SLC25A24: variants seen among roughly 807,000 people sequenced by gnomAD.
The protein encoded by SLC25A24 is solute carrier family 25 member 24.
Under a neutral mutation model 60.7 loss-of-function variants are expected in SLC25A24, and 49 were observed. That is an observed-to-expected ratio of 0.81 (90% CI 0.64 to 1.02). The LOEUF (loss-of-function observed/expected upper bound fraction) is 1.02, where lower values mean the gene tolerates loss of function less well. Ranked by LOEUF, SLC25A24 falls within the 50% of genes least tolerant of loss-of-function variation. SLC25A24 has a pLI of 0.00. For synonymous variants in SLC25A24, 202 were observed against 200.6 expected, an observed-to-expected ratio of 1.01 and a Z score of -0.06; for missense variants, 564 against 586.3, an observed-to-expected ratio of 0.96 and a Z score of 0.39.
chr1:108,136,851 A>C lies in SLC25A24; in HGVS notation c.1250-14T>G. ...CTTCTAACATGGCTAAAAAATAAAAAAAGAGGGTAATTTAATATTCAAGTA... is the reference window on the plus strand; with the variant it reads ...CTTCTAACATGGCTAAAAAATAAAACAAGAGGGTAATTTAATATTCAAGTA... On this transcript the variant is annotated splice_polypyrimidine_tract_variant and intron_variant, in intron 9 of 9. Transcript: ENST00000565488. The C allele has an allele frequency of 6.2e-7, 1 of 1,608,060 alleles. No homozygotes were observed.
At chr1:108,137,448 G>A (rs1046270886) in intron 9 of SLC25A24, among the ~76,000 whole-genome samples, 2 of 152,178 alleles carry the variant, frequency 1.3e-5, no homozygotes, top group Non-Finnish European at 2.9e-5. Context: ...AACGGGAGGA[G>A]TACCATGTGC....
intron 3 of SLC25A24, among the ~76,000 whole-genome samples, chr1:108,166,067 G>A (rs1208512231): frequency 2.6e-5 from 4 of 151,944 alleles, no homozygotes; most frequent in Non-Finnish European, 5.9e-5. Flanking sequence ...TAGTTTGGCT[G>A]GATATGAAAT....
At chr1:108,164,965 T>A (rs1459093582) in intron 3 of SLC25A24, among the ~76,000 whole-genome samples, 1 of 143,810 alleles carries the variant, frequency 7.0e-6, no homozygotes, top group African/African-American at 2.7e-5. Flanking sequence ...CTGCTTTGAA[T>A]GCGTCCCAGA....
At position 108,152,431 on chromosome 1, in the gene SLC25A24, A is replaced by G. The variant is rs189722880; in HGVS notation, c.822+2552T>C. Reference sequence around the variant, plus strand: ...ACCCAGGCTAGATTGCAATGGTGTGATCCCAGCTCACTGCAACCTCTGCCT... The same window carrying G: ...ACCCAGGCTAGATTGCAATGGTGTGGTCCCAGCTCACTGCAACCTCTGCCT... On this transcript the variant is annotated intron_variant, in intron 6 of 9. Coordinates refer to ENST00000565488, the MANE Select transcript of SLC25A24 (RefSeq NM_013386.5). 9.6e-4 allele frequency among the ~76,000 whole-genome samples: 146 copies of G among 151,914 alleles called. 1 individual carries two copies. Among genetic ancestry groups the G allele is most frequent in the African/African-American group, 3.4e-3 (142 of 41,390 alleles).
intron 3 of SLC25A24, among the ~76,000 whole-genome samples, chr1:108,167,337 C>T (rs1680287336): frequency 6.6e-6 from 1 of 152,082 alleles, no homozygotes. Context: ...AGCTTCCCGG[C>T]TGCTTTGTTT....
At chr1:108,143,469 ACTT>A (rs1679502256) in intron 8 of SLC25A24, 71 bp downstream of exon 8, 18 of 1,253,302 alleles carry the variant, frequency 1.4e-5, no homozygotes, top group Admixed American at 2.2e-5. Context: ...GTATATATCT[ACTT>A]CTTCATATAA....
chr1:108,175,652 T>G, intron 3 of SLC25A24, among the ~76,000 whole-genome samples: 1 of 151,914 alleles, frequency 6.6e-6, no homozygotes, highest in East Asian at 1.9e-4. Context: ...ATTGTGCCAT[T>G]GCACTCCAGA....
intron 1 of SLC25A24, among the ~76,000 whole-genome samples, chr1:108,195,054 A>G (rs1571312944): frequency 6.6e-6 from 1 of 152,252 alleles, no homozygotes; most frequent in African/African-American, 2.4e-5. Context: ...TTTTGTTTTC[A>G]TAAATCCTGT....
chr1:108,171,697 C>A (rs1202873773), intron 3 of SLC25A24, among the ~76,000 whole-genome samples: 3 of 152,210 alleles, frequency 2.0e-5, no homozygotes, highest in Non-Finnish European at 4.4e-5. Context: ...TCAGTGGGAA[C>A]AACAGGCATG....
In SLC25A24 at chr1:108,139,114, C is replaced by A; in HGVS notation, c.1193G>T (p.Cys398Phe). Residue 398 changes from cysteine to phenylalanine, a missense_variant, in exon 9 of 10, where the codon TGT (cysteine) becomes TTT (phenylalanine). Cys to Phe is a radical substitution (Grantham distance 205). Transcript: ENST00000565488. ...CAATGGGTAGCTGGCCAGCTGACCA[C>A]AGGTGCTGGATAAGGCACCGCATCC... is the stretch of plus-strand genomic sequence containing the variant. ...LLGCGALSST[C>F]GQLASYPLAL... The A allele has an allele frequency of 3.7e-6, 6 of 1,610,324 alleles. 1 individual carries two copies. The highest frequency in any genetic ancestry group is 3.3e-5 in the South Asian group (3 of 89,974).
chr1:108,176,617 G>A (rs1016277332), intron 3 of SLC25A24, among the ~76,000 whole-genome samples: 1 of 152,138 alleles, frequency 6.6e-6, no homozygotes, highest in Non-Finnish European at 1.5e-5. Flanking sequence ...AGAGGATCCT[G>A]AAAACAGCAA....
intron 3 of SLC25A24, among the ~76,000 whole-genome samples, chr1:108,173,611 T>G (rs543880552): frequency 1.3e-5 from 2 of 152,186 alleles, no homozygotes; most frequent in African/African-American, 4.8e-5. Flanking sequence ...TGGAACTGAC[T>G]TTGGAACTGG....
intron 5 of SLC25A24, among the ~76,000 whole-genome samples, chr1:108,156,272 A>G (rs1285937982): frequency 6.6e-6 from 1 of 152,232 alleles, no homozygotes; most frequent in African/African-American, 2.4e-5. Flanking sequence ...GAGTTATGTG[A>G]GTCTTTCTAG....
chr1:108,145,423 C>A (rs915381967), intron 7 of SLC25A24, among the ~76,000 whole-genome samples: 1 of 152,124 alleles, frequency 6.6e-6, no homozygotes, highest in Admixed American at 6.6e-5. Flanking sequence ...TTAATTAGAT[C>A]CCATTTGTCA....
chr1:108,181,893 C>T (rs1404689385), intron 3 of SLC25A24, 48 bp downstream of exon 3: 2 of 1,309,810 alleles, frequency 1.5e-6, no homozygotes, highest in Admixed American at 1.7e-5. Context: ...AGTTCTAATG[C>T]AGAATATTAA....
chr1:108,200,083 TC>T lies in SLC25A24; in HGVS notation c.55del (p.Glu19SerfsTer63), dbSNP rs770993599. On this transcript the variant is annotated frameshift_variant, in exon 1 of 10. Transcript: ENST00000565488. LOFTEE classifies it high-confidence loss of function. Reference protein sequence around the residue: ...VLPTAACQDAEQPTRYETLFQ... With the variant: ...VLPTAACQDAXQPTRYETLFQ... ...GAGGGTCTCGTAGCGCGTCGGCTGCTCCGCGTCCTGGCAGGCCGCGGTGGGC... is the reference window on the plus strand; with the variant it reads ...GAGGGTCTCGTAGCGCGTCGGCTGCTCGCGTCCTGGCAGGCCGCGGTGGGC... 15 of 1,584,172 alleles carry T rather than the reference TC, an allele frequency of 9.5e-6. No individual in the cohort carries two copies. The African/African-American group carries it at 1.7e-4, about 18-fold the overall frequency.
At chr1:108,149,499 C>T (rs746634) in intron 6 of SLC25A24, among the ~76,000 whole-genome samples, 1,614 of 152,272 alleles carry the variant, frequency 0.011, 15 homozygotes, top group Non-Finnish European at 0.014. Context: ...ACTTGTAACA[C>T]GGTTAGTGCA....
intron 3 of SLC25A24, among the ~76,000 whole-genome samples, chr1:108,163,165 G>T (rs1680138465): frequency 9.3e-6 from 1 of 107,786 alleles, no homozygotes; most frequent in Non-Finnish European, 1.9e-5. Flanking sequence ...TCTCTGTTTT[G>T]GTACCAGTAC....
intron 3 of SLC25A24, among the ~76,000 whole-genome samples, chr1:108,172,708 T>C (rs1248366129): frequency 2.0e-4 from 30 of 152,244 alleles, no homozygotes; most frequent in Non-Finnish European, 1.8e-4. Context: ...CATTCAGATG[T>C]TTTTCCCATG....
Sources: allele counts gnomAD v4.1 joint callset (sites outside exome capture counted in the v4.1 genomes callset), GRCh38; gene constraint gnomAD v4.1.1; transcripts MANE v1.5; gene names NCBI Gene and HGNC (gene_info 2026-07-23, HGNC 2026-07-21).